The following C10orf67 variants were observed in gnomAD, a reference collection of about 807,000 sequenced individuals.
The protein encoded by C10orf67 is chromosome 10 open reading frame 67, also known as uncharacterized protein C10orf67, mitochondrial.
Under a neutral mutation model 35.6 loss-of-function variants are expected in C10orf67, and 60 were observed. The observed-to-expected ratio is 1.68, with a 90% CI of 1.37 to 2.09. The LOEUF (loss-of-function observed/expected upper bound fraction) is 2.09. Among genes scored for constraint, C10orf67 ranks in the 30% most tolerant of loss-of-function variants. The pLI is 0.00. For synonymous variants in C10orf67, 167 were observed against 115.8 expected (o/e 1.44, Z -2.84); for missense variants, 474 against 330.2 (o/e 1.44, Z -3.38).
In C10orf67 at chr10:23,239,782, G is replaced by A; in HGVS notation, c.1381C>T (p.His461Tyr). 1 of 640,432 alleles carries A rather than the reference G, an allele frequency of 1.6e-6. No homozygotes were observed. Among genetic ancestry groups the A allele is most frequent in the Non-Finnish European group, 3.0e-6 (1 of 330,262 alleles). 39.7% of individuals were successfully genotyped at this position (640,432 alleles called of 1,614,324 possible). Residue 461 changes from histidine (H) to tyrosine (Y), a missense_variant, in exon 13 of 16, where the codon CAC becomes TAC. By Grantham distance (83) the His-to-Tyr change is moderately conservative. Coordinates refer to ENST00000636213, the MANE Select transcript of C10orf67 (RefSeq NM_001371909.1). ...ACTGCAAACTGACGAAACAGTGTGTGCCTTGTAAACATCTCATTCTTAAGG... is the reference window on the plus strand; with the variant it reads ...ACTGCAAACTGACGAAACAGTGTGTACCTTGTAAACATCTCATTCTTAAGG... ...HVLKNEMFTR[H>Y]TLFRQFAVLA...
At chr10:23,235,500 T>C (rs1045860002) in intron 13 of C10orf67, among the ~76,000 whole-genome samples, 2 of 152,106 alleles carry the variant, frequency 1.3e-5, no homozygotes, top group Non-Finnish European at 2.9e-5. Flanking sequence ...TTGACAAAAA[T>C]ACAGGAATAG....
chr10:23,246,046 G>A (rs1842308967), intron 12 of C10orf67, among the ~76,000 whole-genome samples: 1 of 152,210 alleles, frequency 6.6e-6, no homozygotes, highest in South Asian at 2.1e-4. Flanking sequence ...CATGTCCTTT[G>A]CAGCAATATG....
At chr10:23,278,572 T>C (rs1843265065) in intron 8 of C10orf67, among the ~76,000 whole-genome samples, 3 of 152,180 alleles carry the variant, frequency 2.0e-5, no homozygotes, top group African/African-American at 7.2e-5. Context: ...AGGCCATCTC[T>C]ATAGAATGTG....
At chr10:23,281,987 T>C (rs759548806) in intron 8 of C10orf67, 26 bp downstream of exon 8, 1 of 575,120 alleles carries the variant, frequency 1.7e-6, no homozygotes, top group South Asian at 2.4e-5. Flanking sequence ...TTCAAATTTG[T>C]TAGGAAATAA....
chr10:23,303,265 T>C (rs941653245), intron 5 of C10orf67, 39 bp downstream of exon 5: 9 of 471,208 alleles, frequency 1.9e-5, no homozygotes, highest in African/African-American at 1.6e-4. Context: ...ACTTTATTTA[T>C]GTATATTAAA....
intron 13 of C10orf67, among the ~76,000 whole-genome samples, chr10:23,229,588 T>C (rs1841848729): frequency 6.6e-6 from 1 of 151,916 alleles, no homozygotes; most frequent in Non-Finnish European, 1.5e-5. Flanking sequence ...ATAATAATAA[T>C]AAAAAAAGTT....
At chr10:23,275,865 C>T (rs756625499) in intron 8 of C10orf67, among the ~76,000 whole-genome samples, 3 of 152,134 alleles carry the variant, frequency 2.0e-5, no homozygotes, top group Admixed American at 6.5e-5. Context: ...AATGCTAGCT[C>T]ACTTGACAAG....
At position 23,223,670 on chromosome 10, in the gene C10orf67, C is replaced by A. The variant is rs1338960543; in HGVS notation, c.1510-12G>T. On this transcript the variant is annotated splice_polypyrimidine_tract_variant and intron_variant, in intron 14 of 15. Coordinates refer to ENST00000636213, the MANE Select transcript of C10orf67 (RefSeq NM_001371909.1). ...TGCTTACCGTCTATCTGTAAGTGAA[C>A]CAAAACTTTTCATTACTTAAGTTGA... The A allele has an allele frequency of 1.4e-6, 1 of 717,242 alleles. No homozygotes were observed. The highest frequency in any genetic ancestry group is 2.6e-6 in the Non-Finnish European group (1 of 384,974). The allele number at this position is 717,242 out of a possible 1,614,324, so 44.4% of individuals were successfully genotyped here. A position where few individuals can be genotyped will look rare whatever the true frequency, so the allele number is the denominator to read the frequency against.
intron 5 of C10orf67, among the ~76,000 whole-genome samples, chr10:23,296,914 A>G (rs922665737): frequency 4.6e-5 from 7 of 152,282 alleles, no homozygotes; most frequent in African/African-American, 1.7e-4. Context: ...GGCCTGGTCC[A>G]GTAAATAATA....
At chr10:23,211,315 G>A (rs1841299868) in intron 15 of C10orf67, among the ~76,000 whole-genome samples, 1 of 152,324 alleles carries the variant, frequency 6.6e-6, no homozygotes, top group Middle Eastern at 3.4e-3. Context: ...CACAGGACGT[G>A]TTCCTCTTAT....
At chr10:23,278,077 T>G (rs1484739166) in intron 8 of C10orf67, among the ~76,000 whole-genome samples, 2 of 152,170 alleles carry the variant, frequency 1.3e-5, no homozygotes, top group African/African-American at 4.8e-5. Context: ...CGCTAAACCA[T>G]TCATGAGAAA....
intron 12 of C10orf67, among the ~76,000 whole-genome samples, chr10:23,249,638 A>T (rs1372220696): frequency 6.6e-6 from 1 of 152,236 alleles, no homozygotes; most frequent in East Asian, 1.9e-4. Flanking sequence ...TTTTATACAG[A>T]CAAGATCCAT....
chr10:23,268,495 GAAC>G (rs1448601592), intron 8 of C10orf67, among the ~76,000 whole-genome samples: 2 of 152,084 alleles, frequency 1.3e-5, no homozygotes, highest in South Asian at 2.1e-4. Context: ...ATTGGCATCT[GAAC>G]AACAACTACA....
chr10:23,292,218 T>C (rs1843743904), intron 5 of C10orf67, among the ~76,000 whole-genome samples: 1 of 133,486 alleles, frequency 7.5e-6, no homozygotes, highest in South Asian at 2.7e-4. Flanking sequence ...ATTGAAAACA[T>C]CTGAATATCC....
intron 13 of C10orf67, among the ~76,000 whole-genome samples, chr10:23,227,797 GACAA>G (rs1327680816): frequency 2.6e-5 from 4 of 152,212 alleles, no homozygotes; most frequent in African/African-American, 4.8e-5. Flanking sequence ...ACCAATAACA[GACAA>G]ACAGAGAGCC....
intron 1 of C10orf67, among the ~76,000 whole-genome samples, chr10:23,334,908 G>A (rs1237660329): frequency 2.0e-5 from 3 of 152,204 alleles, no homozygotes; most frequent in East Asian, 3.9e-4. Context: ...ATGGAAATAG[G>A]TTGGGCGCAG....
chr10:23,225,704 G>T (rs895305831), intron 13 of C10orf67, among the ~76,000 whole-genome samples: 4 of 151,978 alleles, frequency 2.6e-5, no homozygotes, highest in African/African-American at 9.7e-5. Context: ...AACAAAAAAA[G>T]GCAAGGGTTG....
intron 1 of C10orf67, among the ~76,000 whole-genome samples, chr10:23,337,411 G>A (rs922449431): frequency 4.6e-5 from 7 of 152,162 alleles, no homozygotes; most frequent in African/African-American, 1.7e-4. Context: ...GCAAACACCT[G>A]TAGTCCCAGG....
chr10:23,264,799 C>T (rs1322531911), intron 10 of C10orf67, among the ~76,000 whole-genome samples: 2 of 152,128 alleles, frequency 1.3e-5, no homozygotes, highest in Admixed American at 6.6e-5. Flanking sequence ...AGTGGCTGAC[C>T]GGGCTCTGTA....
Sources: allele counts gnomAD v4.1 joint callset (sites outside exome capture counted in the v4.1 genomes callset), GRCh38; gene constraint gnomAD v4.1.1; transcripts MANE v1.5; gene names NCBI Gene and HGNC (gene_info 2026-07-23, HGNC 2026-07-21).